COL13A1: variants seen among roughly 807,000 people sequenced by gnomAD.
COL13A1 encodes collagen type XIII alpha 1 chain.
COL13A1 carries 89 observed loss-of-function variants against 130.9 expected under a neutral mutation model. The ratio of observed to expected loss-of-function variants is 0.68; its 90% confidence interval spans 0.57 to 0.81. The LOEUF (loss-of-function observed/expected upper bound fraction) is 0.81, where lower values mean the gene tolerates loss of function less well. Among genes scored for constraint, COL13A1 ranks in the 30% least tolerant of loss-of-function variants. The probability of loss-of-function intolerance (pLI) is 0.00; values close to 1 mark genes in which losing one functional copy is unlikely to be tolerated. For synonymous variants in COL13A1, 402 were observed against 341.6 expected, an observed-to-expected ratio of 1.18 and a Z score of -1.95; for missense variants, 879 against 934.6, an observed-to-expected ratio of 0.94 and a Z score of 0.78.
At position 69,924,969 on chromosome 10, in the gene COL13A1, C is replaced by T. The variant is rs774346770; in HGVS notation, c.1291C>T (p.Arg431Cys). Residue 431 changes from arginine (R) to cysteine (C), a missense_variant, in exon 25 of 41, where the codon CGT becomes TGT. Physicochemically the swap from Arg to Cys is radical, Grantham distance 180 (BLOSUM62 -3). Transcript: ENST00000645393. Reference sequence around the variant, plus strand: ...CAATTTTGTCATGCAACAGGGGGAGCGTGGAGCAGCTGGAGAACAGGGACC... The same window carrying T: ...CAATTTTGTCATGCAACAGGGGGAGTGTGGAGCAGCTGGAGAACAGGGACC... ...PPGQPGDKGE[R>C]GAAGEQGPDG... The T allele has an allele frequency of 3.8e-6, 6 of 1,591,774 alleles. No individual in the cohort carries two copies. The highest frequency in any genetic ancestry group is 2.7e-5 in the African/African-American group (2 of 74,290).
intron 22 of COL13A1, among the ~76,000 whole-genome samples, chr10:69,922,259 C>T (rs2064786389): frequency 6.6e-6 from 1 of 151,744 alleles, no homozygotes; most frequent in Admixed American, 6.6e-5. Context: ...AAGATGAGGC[C>T]AAAATAAGGG....
chr10:69,817,397 AGGT>A (rs1316321155), intron 1 of COL13A1, among the ~76,000 whole-genome samples: 2 of 151,236 alleles, frequency 1.3e-5, no homozygotes, highest in African/African-American at 4.9e-5. Flanking sequence ...TTTCTTCTCA[AGGT>A]CATCAGTTGA....
intron 1 of COL13A1, among the ~76,000 whole-genome samples, chr10:69,813,475 G>A (rs534695112): frequency 2.0e-5 from 3 of 152,192 alleles, no homozygotes; most frequent in Admixed American, 2.0e-4. Context: ...GTTCTGGTGA[G>A]ACAGGGAGGC....
intron 20 of COL13A1, 130 bp from the exon 21 acceptor site, chr10:69,919,535 C>T (rs1373964519): frequency 1.0e-5 from 4 of 398,902 alleles, no homozygotes; most frequent in African/African-American, 2.1e-5. Flanking sequence ...TTGACCAGAA[C>T]ACCCTTTTTT....
At position 69,959,051 on chromosome 10, in the gene COL13A1, T is replaced by G. The variant is rs1351310862; in HGVS notation, c.*350T>G. On this transcript the variant is annotated 3_prime_UTR_variant, in exon 41 of 41. Coordinates refer to ENST00000645393, the MANE Select transcript of COL13A1 (RefSeq NM_001368882.1). ...TAGCTCATGTGTGAATTCACATAAATGTAGAGGTCCATGATATTTGCTAAG... is the reference window on the plus strand; with the variant it reads ...TAGCTCATGTGTGAATTCACATAAAGGTAGAGGTCCATGATATTTGCTAAG... The G allele has an allele frequency of 3.8e-6, 1 of 260,392 alleles. No individual in the cohort carries two copies. The highest frequency in any genetic ancestry group is 5.1e-5 in the Admixed American group (1 of 19,454). 16.1% of individuals were successfully genotyped at this position (260,392 alleles called of 1,614,324 possible).
intron 1 of COL13A1, among the ~76,000 whole-genome samples, chr10:69,808,484 G>A (rs1842151307): frequency 6.6e-6 from 1 of 152,114 alleles, no homozygotes; most frequent in South Asian, 2.1e-4. Flanking sequence ...ACTACTCATC[G>A]CTCAATACAC....
At chr10:69,940,835 C>T (rs1565133358) in intron 34 of COL13A1, among the ~76,000 whole-genome samples, 153 bp from the exon 35 acceptor site, 1 of 152,200 alleles carries the variant, frequency 6.6e-6, no homozygotes, top group Non-Finnish European at 1.5e-5. Flanking sequence ...TCCGTGTCCT[C>T]CCAAGCTTAT....
At chr10:69,834,428 T>C (rs1242206183) in intron 2 of COL13A1, among the ~76,000 whole-genome samples, 1 of 152,150 alleles carries the variant, frequency 6.6e-6, no homozygotes, top group East Asian at 1.9e-4. Flanking sequence ...AGCTACCTAC[T>C]AGGTGTGGGC....
At chr10:69,872,571 C>A (rs145179459) in intron 4 of COL13A1, among the ~76,000 whole-genome samples, 1 of 152,212 alleles carries the variant, frequency 6.6e-6, no homozygotes, top group South Asian at 2.1e-4. Context: ...CCCCTGCATA[C>A]CAGCTGACAT....
At chr10:69,906,706 T>TTTTG (rs943664885) in intron 17 of COL13A1, among the ~76,000 whole-genome samples, 1 of 152,066 alleles carries the variant, frequency 6.6e-6, no homozygotes, top group South Asian at 2.1e-4. Context: ...TTTGTGGCCT[T>TTTTG]TTTGTTTGTT....
chr10:69,913,163 G>C (rs950147738), intron 17 of COL13A1, among the ~76,000 whole-genome samples: 2 of 152,206 alleles, frequency 1.3e-5, no homozygotes, highest in African/African-American at 4.8e-5. Context: ...AGGTTAAAAA[G>C]CCAGCCTTGC....
At position 69,936,739 on chromosome 10, in the gene COL13A1, C is replaced by A; in HGVS notation, c.1771-17C>A. On this transcript the variant is annotated splice_polypyrimidine_tract_variant and intron_variant, in intron 32 of 40. Transcript: ENST00000645393. ...AGAGATGCAGTTCTAATGCACCTTG[C>A]TTTATTCCAAATGCAGGGGCTCCAA... The A allele has an allele frequency of 6.2e-7, 1 of 1,613,852 alleles. No individual in the cohort carries two copies. The highest frequency in any genetic ancestry group is 1.1e-5 in the South Asian group (1 of 91,078).
intron 9 of COL13A1, among the ~76,000 whole-genome samples, chr10:69,889,175 C>A (rs1034997544): frequency 6.6e-6 from 1 of 152,234 alleles, no homozygotes; most frequent in Non-Finnish European, 1.5e-5. Flanking sequence ...CCCACCCCTG[C>A]TCTCTGAAGG....
At chr10:69,824,015 C>T (rs185139197) in intron 2 of COL13A1, 8 of 453,170 alleles carry the variant, frequency 1.8e-5, no homozygotes, top group East Asian at 1.4e-4. Context: ...TTTTGCTCAG[C>T]GTATAGAATG....
intron 2 of COL13A1, among the ~76,000 whole-genome samples, chr10:69,838,381 C>T (rs1226718458): frequency 4.6e-5 from 7 of 152,216 alleles, no homozygotes; most frequent in African/African-American, 1.4e-4. Flanking sequence ...TTACAATGGG[C>T]AAGTGACTTG....
At chr10:69,849,159 C>A (rs1165969678) in intron 2 of COL13A1, among the ~76,000 whole-genome samples, 1 of 152,238 alleles carries the variant, frequency 6.6e-6, no homozygotes, top group African/African-American at 2.4e-5. Context: ...ACAGTGCTTA[C>A]AGAGAACGGG....
intron 2 of COL13A1, among the ~76,000 whole-genome samples, chr10:69,861,049 C>T (rs971363057): frequency 2.0e-5 from 3 of 152,170 alleles, no homozygotes; most frequent in Non-Finnish European, 2.9e-5. Flanking sequence ...CTTAGGCACA[C>T]CCTCCTGCGT....
intron 2 of COL13A1, among the ~76,000 whole-genome samples, chr10:69,855,679 G>A (rs914306900): frequency 2.1e-5 from 3 of 146,220 alleles, no homozygotes; most frequent in Non-Finnish European, 3.0e-5. Context: ...CTTTACTTCC[G>A]GGCCTGAGGA....
At chr10:69,925,776 G>T in intron 25 of COL13A1, 28 bp from the exon 26 acceptor site, 1 of 1,564,954 alleles carries the variant, frequency 6.4e-7, no homozygotes, top group Non-Finnish European at 8.7e-7. Flanking sequence ...GGTCCAGGCC[G>T]TGGGTTGAGA....
Sources: gnomAD v4.1 joint callset for allele counts (sites outside exome capture counted in the v4.1 genomes callset) on GRCh38, gnomAD v4.1.1 for gene constraint, MANE v1.5 for transcripts, NCBI Gene and HGNC (gene_info 2026-07-23, HGNC 2026-07-21) for gene names.